ZC3H7B: variants seen among roughly 807,000 people sequenced by gnomAD.
ZC3H7B encodes the protein zinc finger CCCH-type containing 7B, also known as zinc finger CCCH domain-containing protein 7B.
Under a neutral mutation model 116.0 loss-of-function variants are expected in ZC3H7B, and 35 were observed. That is an observed-to-expected ratio of 0.30 (90% CI 0.23 to 0.40). The LOEUF (loss-of-function observed/expected upper bound fraction) is 0.40, where lower values mean the gene tolerates loss of function less well. Among genes scored for constraint, ZC3H7B ranks in the 10% least tolerant of loss-of-function variants. The pLI, the probability that ZC3H7B is intolerant of heterozygous loss-of-function variation, is 1.00. For missense variants in ZC3H7B, 1,011 were observed against 1,321.5 expected (o/e 0.77, Z 3.64); for synonymous variants, 502 against 545.6 (o/e 0.92, Z 1.11).
intron 12 of ZC3H7B, 68 bp downstream of exon 12, chr22:41,342,696 C>A: frequency 7.0e-7 from 1 of 1,422,048 alleles, no homozygotes; most frequent in Non-Finnish European, 9.6e-7. Flanking sequence ...CATGGGATCC[C>A]AGATCAAAAG....
At chr22:41,318,820 T>G (rs928388831) in intron 1 of ZC3H7B, among the ~76,000 whole-genome samples, 2 of 152,138 alleles carry the variant, frequency 1.3e-5, no homozygotes, top group South Asian at 4.1e-4. Flanking sequence ...CCCACTCTGC[T>G]CCATCCTCAC....
chr22:41,342,865 G>T (rs981404805), intron 12 of ZC3H7B, among the ~76,000 whole-genome samples: 1 of 152,276 alleles, frequency 6.6e-6, no homozygotes. Flanking sequence ...TAGAGAGTGA[G>T]GACGGTGGTA....
chr22:41,335,915 T>C (rs1019468954), intron 7 of ZC3H7B: 1 of 152,828 alleles, frequency 6.5e-6, no homozygotes. Context: ...CCACAGTGGG[T>C]GTGAGATGCT....
rs750527755 is a variant in ZC3H7B at position 41,343,512 on chromosome 22, C to A, written c.1395C>A (p.Thr465=). The change falls in exon 13 of 23, where the codon ACC becomes ACA. Residue 465 remains threonine (T), a synonymous_variant. Coordinates refer to ENST00000352645, the MANE Select transcript of ZC3H7B (RefSeq NM_017590.6). ...GGCTCCGGAGCTCGGAGGACCAGAC[C>A]TGGAAGCGGATCCGGCCCCGGCCCA... ...LGRLRSSEDQ[T]WKRIRPRPTK... 3 of 1,613,636 alleles carry A rather than the reference C, an allele frequency of 1.9e-6. No homozygotes were observed. Among genetic ancestry groups the A allele is most frequent in the Non-Finnish European group, 2.5e-6 (3 of 1,179,872 alleles).
chr22:41,320,553 A>G (rs1490484213), intron 1 of ZC3H7B, 102 bp from the exon 2 acceptor site: 1 of 1,295,978 alleles, frequency 7.7e-7, no homozygotes, highest in East Asian at 2.3e-5. Context: ...AGGGAATGAG[A>G]GTGGGAGTGA....
chr22:41,344,324 G>C (rs1006108323), intron 13 of ZC3H7B, among the ~76,000 whole-genome samples: 1 of 152,132 alleles, frequency 6.6e-6, no homozygotes, highest in Non-Finnish European at 1.5e-5. Flanking sequence ...CAGCCAGGCT[G>C]GTCTAAGGAC....
At chr22:41,355,180 G>T (rs1400120537) in intron 17 of ZC3H7B, among the ~76,000 whole-genome samples, 1 of 152,214 alleles carries the variant, frequency 6.6e-6, no homozygotes, top group Non-Finnish European at 1.5e-5. Context: ...AGGGAGGTGT[G>T]GCGGAACGGA....
At chr22:41,352,006 G>C (rs561166212) in intron 17 of ZC3H7B, among the ~76,000 whole-genome samples, 1 of 152,178 alleles carries the variant, frequency 6.6e-6, no homozygotes, top group East Asian at 1.9e-4. Context: ...TATTTTTTAA[G>C]ACCGTGGGTC....
Position 41,346,289 on chromosome 22 carries a change from AG to A in ZC3H7B, c.1665+83del. On this transcript the variant is annotated intron_variant, in intron 14 of 22. Transcript: ENST00000352645. This position sits in a 1 kb window ranked among gnomAD's most constrained non-coding sequence, Gnocchi z 5.3. The stretch of plus-strand genomic sequence containing the variant: ...GATGCTCCCTGGCACGGACCACCAT[AG>A]GAAGTCAGCCCTGGAACCCGTGGGC... The A allele has an allele frequency of 6.7e-7, 1 of 1,499,782 alleles. No individual in the cohort carries two copies. Among genetic ancestry groups the A allele is most frequent in the South Asian group, 1.2e-5 (1 of 83,804 alleles). 92.9% of individuals were successfully genotyped at this position (1,499,782 alleles called of 1,614,324 possible). A position where few individuals can be genotyped will look rare whatever the true frequency, so the allele number is the denominator to read the frequency against.
At chr22:41,334,055 A>G (rs577918225) in intron 7 of ZC3H7B, 2 of 152,422 alleles carry the variant, frequency 1.3e-5, no homozygotes, top group African/African-American at 4.8e-5. Flanking sequence ...TGTGGGAGGA[A>G]CCAACACCAA....
chr22:41,320,935 A>G (rs1187815697), intron 2 of ZC3H7B, among the ~76,000 whole-genome samples: 5 of 152,104 alleles, frequency 3.3e-5, no homozygotes, highest in Non-Finnish European at 5.9e-5. Flanking sequence ...TTACCCTTCA[A>G]TCTTGTCCAG....
At chr22:41,329,984 G>A (rs367670850) in intron 5 of ZC3H7B, 39 bp from the exon 6 acceptor site, 4 of 1,609,360 alleles carry the variant, frequency 2.5e-6, no homozygotes, top group Non-Finnish European at 3.4e-6. Flanking sequence ...TGTGAGCCCG[G>A]GCAGACTGAC....
rs74353356 is a variant in ZC3H7B at position 41,320,331 on chromosome 22, C to CA, written c.-6-307dup. 3.7e-3 allele frequency among the ~76,000 whole-genome samples: 316 copies of CA among 86,324 alleles called. 1 individual carries two copies. Among genetic ancestry groups the CA allele is most frequent in the South Asian group, 5.8e-3 (16 of 2,764 alleles). The allele number at this position is 86,324 out of a possible 152,430, so 56.6% of individuals were successfully genotyped here. A position where few individuals can be genotyped will look rare whatever the true frequency, so the allele number is the denominator to read the frequency against. On this transcript the variant is annotated intron_variant, in intron 1 of 22. Transcript: ENST00000352645. ...TGGGTAACAGGGGAGACTCTGTATC[C>CA]AAAAAAAAAAAAAAAAAGAGTTTTC...
intron 5 of ZC3H7B, among the ~76,000 whole-genome samples, chr22:41,329,031 C>CAAAAAAA (rs905189346): frequency 1.4e-3 from 58 of 40,462 alleles, no homozygotes; most frequent in East Asian, 3.9e-3. Flanking sequence ...TACTAAAATA[C>CAAAAAAA]AAAAAAAAAA....
At chr22:41,320,204 G>C (rs989130973) in intron 1 of ZC3H7B, among the ~76,000 whole-genome samples, 1 of 150,544 alleles carries the variant, frequency 6.6e-6, no homozygotes, top group Admixed American at 6.6e-5. Flanking sequence ...ATGATGGTGG[G>C]CTCCTGTAAT....
At chr22:41,328,971 G>C (rs1010915410) in intron 5 of ZC3H7B, among the ~76,000 whole-genome samples, 2 of 147,634 alleles carry the variant, frequency 1.4e-5, no homozygotes, top group African/African-American at 5.0e-5. Context: ...TGGATCACTT[G>C]AGGTCAGGAG....
intron 1 of ZC3H7B, among the ~76,000 whole-genome samples, chr22:41,307,391 T>C (rs568499770): frequency 1.3e-5 from 2 of 152,192 alleles, no homozygotes; most frequent in Non-Finnish European, 2.9e-5. Flanking sequence ...AGGGAGACTG[T>C]TTCTTTGCAG....
At chr22:41,311,552 G>A (rs1414197688) in intron 1 of ZC3H7B, among the ~76,000 whole-genome samples, 1 of 151,984 alleles carries the variant, frequency 6.6e-6, no homozygotes, top group Non-Finnish European at 1.5e-5. Context: ...CAGGTAGAGG[G>A]CCCAAGATTA....
At position 41,327,457 on chromosome 22, in the gene ZC3H7B, T is replaced by A. The variant is rs149651809; in HGVS notation, c.444+93T>A. 11 of 1,496,898 alleles carry A rather than the reference T, an allele frequency of 7.3e-6. No homozygotes were observed. The African/African-American group carries it at 1.2e-4, about 17-fold the overall frequency. The allele number at this position is 1,496,898 out of a possible 1,614,324, so 92.7% of individuals were successfully genotyped here. On this transcript the variant is annotated intron_variant, in intron 5 of 22. Transcript: ENST00000352645. The surrounding 1 kb of genome is among the most constrained non-coding windows in gnomAD (Gnocchi z 4.5). ...CTTGGGCCCAGCCACCACATCCTTC[T>A]GTGTCTCACTTCCTCCCCTGTGACA...
Sources: allele counts gnomAD v4.1 joint callset (sites outside exome capture counted in the v4.1 genomes callset), GRCh38; gene constraint gnomAD v4.1.1; non-coding constraint Gnocchi (gnomAD v3.1); transcripts MANE v1.5; gene names NCBI Gene and HGNC (gene_info 2026-07-23, HGNC 2026-07-21).